EMP1: variants seen among roughly 807,000 people sequenced by gnomAD.
EMP1 encodes tumor-associated membrane protein.
Under a neutral mutation model 15.7 loss-of-function variants are expected in EMP1, and 5 were observed. The observed-to-expected ratio is 0.32, with a 90% CI of 0.17 to 0.67. The LOEUF (loss-of-function observed/expected upper bound fraction) is 0.67. EMP1 is among the 30% of genes least tolerant of loss of function. The pLI, the probability that EMP1 is intolerant of heterozygous loss-of-function variation, is 0.74. For missense variants in EMP1, 166 were observed against 194.2 expected, an observed-to-expected ratio of 0.85 and a Z score of 0.86; for synonymous variants, 78 against 76.7, an observed-to-expected ratio of 1.02 and a Z score of -0.09.
intron 1 of EMP1, among the ~76,000 whole-genome samples, chr12:13,204,504 A>C (rs1197170918): frequency 6.6e-6 from 1 of 152,184 alleles, no homozygotes; most frequent in Non-Finnish European, 1.5e-5. Flanking sequence ...ATGGGAAACA[A>C]ACACATCAAA....
In EMP1 at chr12:13,219,651, C is replaced by CA. The variant is rs1864242518; in HGVS notation, c.*4963dup. 6.6e-6 allele frequency: 1 copy of CA among 152,168 alleles called. No homozygotes were observed. The highest frequency in any genetic ancestry group is 6.5e-5 in the Admixed American group (1 of 15,274). 9.4% of individuals were successfully genotyped at this position (152,168 alleles called of 1,614,324 possible). On this transcript the variant is annotated 3_prime_UTR_variant, in exon 5 of 5. Transcript: ENST00000256951. Reference sequence around the variant, plus strand: ...GAGGTTTAATTGACAAAAAAGCTAACAAAGTGAGCCCTGATTCAAAAATGA... The same window carrying CA: ...GAGGTTTAATTGACAAAAAAGCTAACAAAAGTGAGCCCTGATTCAAAAATGA...
chr12:13,209,851 T>C (rs942893736), intron 1 of EMP1, among the ~76,000 whole-genome samples: 2 of 152,158 alleles, frequency 1.3e-5, no homozygotes, highest in African/African-American at 2.4e-5. Context: ...GGATTACTAA[T>C]AGCAGACATG....
intron 2 of EMP1, among the ~76,000 whole-genome samples, chr12:13,212,868 G>C (rs908145371): frequency 4.6e-5 from 7 of 152,182 alleles, no homozygotes; most frequent in Non-Finnish European, 7.3e-5. Context: ...AATCCATTCA[G>C]GTCACCCTTC....
At chr12:13,199,014 T>TGGGGCG (rs140465026) in intron 1 of EMP1, among the ~76,000 whole-genome samples, 33,088 of 137,720 alleles carry the variant, frequency 0.24, 3,894 homozygotes, top group Middle Eastern at 0.36. Flanking sequence ...CTCCGAAGAA[T>TGGGGCG]GGGGCGGGGG....
rs1366790823 is a variant in EMP1, at chr12:13,214,528, CTGCAGGGCTGTGCATTCTTG to C, written c.317-3_333del. Reference sequence around the variant, plus strand: ...ACACACCGACAAATCTCCTTTTCCCCTGCAGGGCTGTGCATTCTTGTGGGGGTGTCCATCTACACTAGTCA... The same window carrying C: ...ACACACCGACAAATCTCCTTTTCCCCTGGGGGTGTCCATCTACACTAGTCA... On this transcript the variant is annotated splice_acceptor_variant and splice_polypyrimidine_tract_variant and coding_sequence_variant and intron_variant, in exon 5 of 5. Transcript: ENST00000256951. LOFTEE classifies it high-confidence loss of function. 6.2e-7 allele frequency: 1 copy of C among 1,613,656 alleles called. No homozygotes were observed. Among genetic ancestry groups the C allele is most frequent in the Non-Finnish European group, 8.5e-7 (1 of 1,179,836 alleles).
intron 1 of EMP1, among the ~76,000 whole-genome samples, chr12:13,208,346 A>G (rs1864132276): frequency 1.3e-5 from 2 of 152,174 alleles, no homozygotes; most frequent in African/African-American, 2.4e-5. Context: ...CCCATTAGTT[A>G]CCACTAATGG....
Position 13,219,878 on chromosome 12 carries a change from G to A in EMP1, c.*5187G>A, listed in dbSNP as rs1313370523. The A allele has an allele frequency of 6.6e-6, 1 of 152,128 alleles. No individual in the cohort carries two copies. The highest frequency in any genetic ancestry group is 1.5e-5 in the Non-Finnish European group (1 of 68,014). The allele number at this position is 152,128 out of a possible 1,614,324, so 9.4% of individuals were successfully genotyped here. A position where few individuals can be genotyped will look rare whatever the true frequency, so the allele number is the denominator to read the frequency against. ...CAGAACTATTTTATTTATGATATGG[G>A]CTAAAAAGACTTCTGTAATCTAGCT... On this transcript the variant is annotated 3_prime_UTR_variant, in exon 5 of 5. Coordinates refer to ENST00000256951, the MANE Select transcript of EMP1 (RefSeq NM_001423.3).
intron 4 of EMP1, chr12:13,214,133 C>G (rs563794357): frequency 1.6e-5 from 10 of 609,070 alleles, no homozygotes; most frequent in Non-Finnish European, 2.9e-5. Context: ...GAAACCACTG[C>G]CACAATGCAC....
At chr12:13,203,441 C>G (rs1371640563) in intron 1 of EMP1, among the ~76,000 whole-genome samples, 1 of 152,248 alleles carries the variant, frequency 6.6e-6, no homozygotes, top group Non-Finnish European at 1.5e-5. Flanking sequence ...ATCCACCCCT[C>G]CCCTGGACAC....
In EMP1 at chr12:13,216,410, G is replaced by T; in HGVS notation, c.*1719G>T. On this transcript the variant is annotated 3_prime_UTR_variant, in exon 5 of 5. Coordinates refer to ENST00000256951, the MANE Select transcript of EMP1 (RefSeq NM_001423.3). ...AAGCCACCAAATTACCTAGGCTGAG[G>T]TTAGAGAGATTGGCCAGCAAAAACT... is the stretch of plus-strand genomic sequence containing the variant. 2.8e-6 allele frequency: 2 copies of T among 702,458 alleles called. No individual in the cohort carries two copies. Among genetic ancestry groups the T allele is most frequent in the Non-Finnish European group, 5.2e-6 (2 of 384,758 alleles). The allele number at this position is 702,458 out of a possible 1,614,324, so 43.5% of individuals were successfully genotyped here. A position where few individuals can be genotyped will look rare whatever the true frequency, so the allele number is the denominator to read the frequency against.
intron 1 of EMP1, among the ~76,000 whole-genome samples, chr12:13,210,061 C>T (rs1411802515): frequency 6.6e-6 from 1 of 152,144 alleles, no homozygotes; most frequent in East Asian, 1.9e-4. Context: ...GCAAGGCACC[C>T]TGATGTATAT....
Position 13,216,353 on chromosome 12 carries a change from A to G in EMP1, c.*1662A>G, listed in dbSNP as rs961681918. 4 of 701,346 alleles carry G rather than the reference A, an allele frequency of 5.7e-6. No homozygotes were observed. The highest frequency in any genetic ancestry group is 5.2e-5 in the African/African-American group (3 of 57,162). 43.4% of individuals were successfully genotyped at this position (701,346 alleles called of 1,614,324 possible). A position where few individuals can be genotyped will look rare whatever the true frequency, so the allele number is the denominator to read the frequency against. On this transcript the variant is annotated 3_prime_UTR_variant, in exon 5 of 5. Coordinates refer to ENST00000256951, the MANE Select transcript of EMP1 (RefSeq NM_001423.3). ...GGATTATTACTAATTCTATTTCTCT[A>G]TGTTTATTCTAGTTAAGGAAATGTT...
chr12:13,208,048 T>C (rs1182992879), intron 1 of EMP1, among the ~76,000 whole-genome samples: 1 of 152,214 alleles, frequency 6.6e-6, no homozygotes, highest in Non-Finnish European at 1.5e-5. Flanking sequence ...TGCTTTCCAC[T>C]GGAGAGTGCC....
intron 1 of EMP1, among the ~76,000 whole-genome samples, chr12:13,198,239 G>T (rs1864031574): frequency 6.6e-6 from 1 of 152,254 alleles, no homozygotes; most frequent in East Asian, 1.9e-4. Context: ...CTGGAGGAAT[G>T]AAGAAGGGTG....
intron 4 of EMP1, chr12:13,214,220 A>C: frequency 1.7e-6 from 1 of 595,740 alleles, no homozygotes; most frequent in East Asian, 2.8e-5. Flanking sequence ...GCTCTTTTGC[A>C]TCCCTGAGTA....
At chr12:13,201,790 T>C (rs1210496630) in intron 1 of EMP1, among the ~76,000 whole-genome samples, 1 of 152,114 alleles carries the variant, frequency 6.6e-6, no homozygotes, top group Non-Finnish European at 1.5e-5. Context: ...GCAGGCTGAG[T>C]CTGTGAAGAC....
At chr12:13,205,921 C>T (rs1864107079) in intron 1 of EMP1, among the ~76,000 whole-genome samples, 1 of 152,186 alleles carries the variant, frequency 6.6e-6, no homozygotes, top group African/African-American at 2.4e-5. Flanking sequence ...CGTGGAGCCT[C>T]TTTCCTGCTG....
intron 1 of EMP1, among the ~76,000 whole-genome samples, chr12:13,200,467 A>C (rs902137010): frequency 6.6e-6 from 1 of 152,074 alleles, no homozygotes; most frequent in African/African-American, 2.4e-5. Flanking sequence ...TTCTCACCAT[A>C]AGCTTCCCTT....
chr12:13,210,147 T>C (rs781419482), intron 1 of EMP1, among the ~76,000 whole-genome samples: 1 of 152,236 alleles, frequency 6.6e-6, no homozygotes, highest in Non-Finnish European at 1.5e-5. Context: ...GTTGGAATTA[T>C]AGTATCAGTG....
Sources: gnomAD v4.1 joint callset for allele counts (sites outside exome capture counted in the v4.1 genomes callset) on GRCh38, gnomAD v4.1.1 for gene constraint, MANE v1.5 for transcripts, NCBI Gene and HGNC (gene_info 2026-07-23, HGNC 2026-07-21) for gene names.